TSHZ3: variants seen among roughly 807,000 people sequenced by gnomAD.
TSHZ3 encodes the protein teashirt homolog 3.
A neutral mutation model predicts 64.5 loss-of-function variants in TSHZ3; 10 were observed. The ratio of observed to expected loss-of-function variants is 0.16; its 90% CI spans 0.10 to 0.26. The LOEUF is 0.26. Among genes scored for constraint, TSHZ3 ranks in the 10% least tolerant of loss-of-function variants. The probability of loss-of-function intolerance (pLI) is 1.00; values close to 1 mark genes in which losing one functional copy is unlikely to be tolerated. For synonymous variants in TSHZ3, 608 were observed against 593.1 expected (o/e 1.03, Z -0.36); for missense variants, 1,242 against 1,421.7 (o/e 0.87, Z 2.03).
downstream of TSHZ3, among the ~76,000 whole-genome samples, chr19:31,272,365 G>A (rs373123285): frequency 7.2e-5 from 11 of 152,282 alleles, no homozygotes; most frequent in South Asian, 1.2e-3. Flanking sequence ...AGAGACTGCC[G>A]CCCTGAACTC....
intron 5 of TSHZ3, among the ~76,000 whole-genome samples, chr19:31,177,848 G>A (rs577997500): frequency 4.6e-5 from 7 of 152,168 alleles, no homozygotes; most frequent in East Asian, 3.9e-4. Flanking sequence ...ATAGCACTGC[G>A]CAGAGAGGGG....
chr19:31,168,864 T>C (rs569229611), intron 5 of TSHZ3, among the ~76,000 whole-genome samples: 1 of 152,258 alleles, frequency 6.6e-6, no homozygotes, highest in Admixed American at 6.5e-5. Context: ...GTGTGGGGTG[T>C]ATAAAAAGCA....
At chr19:31,315,798 G>T (rs896401225) in intron 1 of TSHZ3, among the ~76,000 whole-genome samples, 4 of 152,074 alleles carry the variant, frequency 2.6e-5, no homozygotes, top group Non-Finnish European at 5.9e-5. Flanking sequence ...AATCCATCAC[G>T]CAAGGCTTCA....
At chr19:31,332,903 C>T (rs1317138511) in intron 1 of TSHZ3, among the ~76,000 whole-genome samples, 1 of 151,690 alleles carries the variant, frequency 6.6e-6, no homozygotes, top group Non-Finnish European at 1.5e-5. Context: ...CCCAGGAGTT[C>T]GAGACCAGCC....
intron 1 of TSHZ3, among the ~76,000 whole-genome samples, chr19:31,301,743 A>G (rs915828165): frequency 6.6e-6 from 1 of 152,154 alleles, no homozygotes; most frequent in Non-Finnish European, 1.5e-5. Flanking sequence ...CAGACATGAC[A>G]ATCATACTTA....
At chr19:31,250,132 A>G (rs967958549) in intron 1 of TSHZ3, among the ~76,000 whole-genome samples, 2 of 152,212 alleles carry the variant, frequency 1.3e-5, no homozygotes, top group African/African-American at 4.8e-5. Flanking sequence ...CTGACATCTT[A>G]AAAGCACTGA....
intron 5 of TSHZ3, among the ~76,000 whole-genome samples, chr19:31,169,495 T>C (rs1974505356): frequency 6.6e-6 from 1 of 152,066 alleles, no homozygotes; most frequent in Admixed American, 6.5e-5. Context: ...GGGTTACTGG[T>C]ACAGGGTTCC....
chr19:31,296,882 C>T (rs1241148673), intron 1 of TSHZ3, among the ~76,000 whole-genome samples: 3 of 152,168 alleles, frequency 2.0e-5, no homozygotes, highest in African/African-American at 7.2e-5. Context: ...GACAGCTCTC[C>T]AGCCTCTCAC....
chr19:31,239,180 T>G (rs539602746), intron 3 of TSHZ3, among the ~76,000 whole-genome samples: 5 of 152,262 alleles, frequency 3.3e-5, no homozygotes, highest in African/African-American at 9.6e-5. Context: ...AGGATATGAT[T>G]TTTTTACCTC....
In TSHZ3 at chr19:31,308,760, C is replaced by T. The variant is rs755538678; in HGVS notation, c.41-29008G>A. 413 of 398,402 alleles carry T rather than the reference C, an allele frequency of 1.0e-3. 1 individual carries two copies. The highest frequency in any genetic ancestry group is 1.5e-3 in the Non-Finnish European group (339 of 226,074). The allele number at this position is 398,402 out of a possible 1,614,324, so 24.7% of individuals were successfully genotyped here. A position where few individuals can be genotyped will look rare whatever the true frequency, so the allele number is the denominator to read the frequency against. ...CACCGTCTAAGACCCCTGCTGAAAT[C>T]CTGGCTGTGTCTGCTCAGATTCAGA... On this transcript the variant is annotated intron_variant, in intron 1 of 1. Coordinates refer to ENST00000240587, the MANE Select transcript of TSHZ3 (RefSeq NM_020856.4).
At chr19:31,199,419 A>G (rs1173628656) in intron 5 of TSHZ3, among the ~76,000 whole-genome samples, 3 of 149,188 alleles carry the variant, frequency 2.0e-5, no homozygotes, top group South Asian at 4.3e-4. Flanking sequence ...AAAAAAAAAA[A>G]AAAGAAAAGA....
At chr19:31,193,717 T>C (rs1410946652) in intron 5 of TSHZ3, among the ~76,000 whole-genome samples, 7 of 152,176 alleles carry the variant, frequency 4.6e-5, no homozygotes, top group Admixed American at 4.6e-4. Context: ...AAGCACACAG[T>C]CACATACATT....
At chr19:31,304,353 C>A (rs778974425) in intron 1 of TSHZ3, among the ~76,000 whole-genome samples, 5 of 152,108 alleles carry the variant, frequency 3.3e-5, no homozygotes, top group Non-Finnish European at 7.4e-5. Flanking sequence ...CAAGCAGGGC[C>A]AGGACTGAGG....
chr19:31,209,742 A>G (rs1975237419), intron 4 of TSHZ3, among the ~76,000 whole-genome samples: 1 of 152,162 alleles, frequency 6.6e-6, no homozygotes, highest in African/African-American at 2.4e-5. Flanking sequence ...GGGCTAACTC[A>G]ATGGCATAAG....
chr19:31,241,832 T>C (rs774931550), intron 3 of TSHZ3, among the ~76,000 whole-genome samples: 1 of 152,224 alleles, frequency 6.6e-6, no homozygotes, highest in Non-Finnish European at 1.5e-5. Context: ...CTAATTGTTA[T>C]TGCCCCAAAT....
chr19:31,344,447 C>A (rs962830638), intron 1 of TSHZ3, among the ~76,000 whole-genome samples: 3 of 152,238 alleles, frequency 2.0e-5, no homozygotes, highest in African/African-American at 4.8e-5. Context: ...TGCCCAGTGA[C>A]AGGCAGGGAT....
Position 31,323,863 on chromosome 19 carries a change from AACACACACACACACACACACACACACAC to A in TSHZ3, c.40+25289_40+25316del, listed in dbSNP as rs58051976. 2.4e-4 allele frequency among the ~76,000 whole-genome samples: 29 copies of A among 122,240 alleles called. 1 individual carries two copies. The highest frequency in any genetic ancestry group is 1.2e-3 in the Admixed American group (15 of 12,278). The allele number at this position is 122,240 out of a possible 152,430, so 80.2% of individuals were successfully genotyped here. On this transcript the variant is annotated intron_variant, in intron 1 of 1. Transcript: ENST00000240587. ...GCTCTTGTACTTGAACCTGGCCTCC[AACACACACACACACACACACACACACAC>A]ACACACACACACACACACACACACA...
intron 1 of TSHZ3, among the ~76,000 whole-genome samples, chr19:31,280,002 C>A (rs2145216532): frequency 6.6e-6 from 1 of 150,750 alleles, no homozygotes; most frequent in Non-Finnish European, 1.5e-5. Flanking sequence ...CCACCTTATT[C>A]TTCTCAAGGG....
In TSHZ3 at chr19:31,340,806, G is replaced by GC. The variant is rs1289910348; in HGVS notation, c.40+8373dup. 3.9e-5 allele frequency among the ~76,000 whole-genome samples: 6 copies of GC among 152,326 alleles called. No homozygotes were observed. In the East Asian group the frequency reaches 1.2e-3, roughly 29 times the overall value. Reference sequence around the variant, plus strand: ...CTGCTTACCTGGCAGGCAGGAGGCTGCAGGGCCAAGACCCAGGAGGCAGGC... The same window carrying GC: ...CTGCTTACCTGGCAGGCAGGAGGCTGCCAGGGCCAAGACCCAGGAGGCAGGC... On this transcript the variant is annotated intron_variant, in intron 1 of 1. Coordinates refer to ENST00000240587, the MANE Select transcript of TSHZ3 (RefSeq NM_020856.4).
Sources: gnomAD v4.1 joint callset for allele counts (sites outside exome capture counted in the v4.1 genomes callset) on GRCh38, gnomAD v4.1.1 for gene constraint, MANE v1.5 for transcripts, NCBI Gene and HGNC (gene_info 2026-07-23, HGNC 2026-07-21) for gene names.